DOCK2: variants seen among roughly 807,000 people sequenced by gnomAD.
The protein encoded by DOCK2 is dedicator of cytokinesis protein 2.
Under a neutral mutation model 248.9 loss-of-function variants are expected in DOCK2, and 87 were observed. The observed-to-expected ratio is 0.35, with a 90% confidence interval of 0.29 to 0.42. DOCK2 has a LOEUF of 0.42. Among genes scored for constraint, DOCK2 ranks in the 10% least tolerant of loss-of-function variants. DOCK2 has a pLI of 1.00. For synonymous variants in DOCK2, 805 were observed against 821.6 expected, an observed-to-expected ratio of 0.98 and a Z score of 0.35; for missense variants, 1,747 against 2,300.2, an observed-to-expected ratio of 0.76 and a Z score of 4.92.
chr5:169,679,408 T>C (rs1759527768), intron 6 of DOCK2, among the ~76,000 whole-genome samples: 1 of 152,180 alleles, frequency 6.6e-6, no homozygotes, highest in Non-Finnish European at 1.5e-5. Context: ...CAGCCTCTCC[T>C]GCCCCTGGGC....
At chr5:170,014,991 A>G (rs1755461061) in intron 32 of DOCK2, among the ~76,000 whole-genome samples, 1 of 152,192 alleles carries the variant, frequency 6.6e-6, no homozygotes, top group Non-Finnish European at 1.5e-5. Flanking sequence ...GGGAAGATAA[A>G]TCCATCTGAC....
intron 27 of DOCK2, among the ~76,000 whole-genome samples, chr5:169,967,561 C>T (rs1311722917): frequency 1.3e-5 from 2 of 151,988 alleles, no homozygotes; most frequent in Non-Finnish European, 2.9e-5. Context: ...TGCAGGGAAC[C>T]GAACACCATG....
intron 32 of DOCK2, among the ~76,000 whole-genome samples, chr5:170,016,396 A>G (rs1755540073): frequency 6.6e-6 from 1 of 152,208 alleles, no homozygotes; most frequent in African/African-American, 2.4e-5. Flanking sequence ...GCATCTATGT[A>G]TGTAAAGATA....
chr5:169,724,351 A>G (rs1026941918), intron 22 of DOCK2, among the ~76,000 whole-genome samples: 1 of 152,180 alleles, frequency 6.6e-6, no homozygotes, highest in Admixed American at 6.5e-5. Flanking sequence ...TAGTGAAGCT[A>G]TTCAGGCAAA....
intron 23 of DOCK2, among the ~76,000 whole-genome samples, chr5:169,751,518 A>C (rs1044946199): frequency 3.3e-5 from 5 of 152,202 alleles, no homozygotes; most frequent in Non-Finnish European, 5.9e-5. Context: ...AACTTTTCAC[A>C]TCCAGCTGGG....
At chr5:169,820,365 C>T (rs927106049) in intron 26 of DOCK2, among the ~76,000 whole-genome samples, 1 of 152,176 alleles carries the variant, frequency 6.6e-6, no homozygotes, top group Non-Finnish European at 1.5e-5. Flanking sequence ...CTGGGAGGCA[C>T]CCCCCAGTAG....
At chr5:169,814,191 C>G (rs1767923523) in intron 26 of DOCK2, among the ~76,000 whole-genome samples, 1 of 152,168 alleles carries the variant, frequency 6.6e-6, no homozygotes, top group Non-Finnish European at 1.5e-5. Flanking sequence ...TTATCCTAAC[C>G]AAATGAGCAA....
chr5:170,077,070 T>C (rs1226181528), intron 47 of DOCK2, among the ~76,000 whole-genome samples: 1 of 152,184 alleles, frequency 6.6e-6, no homozygotes. Context: ...ATGATACTTA[T>C]GATTTCAGTT....
At chr5:169,789,432 A>T (rs1004468492) in intron 25 of DOCK2, among the ~76,000 whole-genome samples, 1 of 152,220 alleles carries the variant, frequency 6.6e-6, no homozygotes, top group Non-Finnish European at 1.5e-5. Context: ...CATTGTACAT[A>T]TGTTTTCTTA....
intron 2 of DOCK2, among the ~76,000 whole-genome samples, chr5:169,663,727 G>A (rs1336632896): frequency 6.6e-6 from 1 of 152,202 alleles, no homozygotes; most frequent in African/African-American, 2.4e-5. Context: ...CATACAGGGT[G>A]CCAAGTCCTG....
At chr5:169,919,004 G>C (rs1405672464) in intron 27 of DOCK2, among the ~76,000 whole-genome samples, 1 of 152,160 alleles carries the variant, frequency 6.6e-6, no homozygotes. Context: ...CCAGTAACAA[G>C]GGTTATGTTG....
chr5:170,082,174 G>A (rs1462747307), intron 51 of DOCK2, among the ~76,000 whole-genome samples, 190 bp downstream of exon 51: 2 of 152,130 alleles, frequency 1.3e-5, no homozygotes, highest in Non-Finnish European at 2.9e-5. Flanking sequence ...TGGGGCCTCA[G>A]GCAGCTCCTC....
At chr5:170,057,495 G>A (rs1213717769) in intron 43 of DOCK2, 85 bp from the exon 44 acceptor site, 4 of 1,289,692 alleles carry the variant, frequency 3.1e-6, no homozygotes, top group Admixed American at 1.8e-5. Flanking sequence ...ACCTGGCTGG[G>A]TTTCTGCCAA....
In DOCK2 at chr5:169,840,752, T is replaced by TA. The variant is rs769914489; in HGVS notation, c.2704-4dup. ...GTCACATAGATGTCTCTGACTGTTT[T>TA]ACAGGCCTTCACCTACCACCATATC... On this transcript the variant is annotated splice_polypyrimidine_tract_variant and splice_region_variant and intron_variant, in intron 26 of 51. Transcript: ENST00000520908. The TA allele has an allele frequency of 6.2e-7, 1 of 1,613,756 alleles. No individual in the cohort carries two copies. Among genetic ancestry groups the TA allele is most frequent in the East Asian group, 2.2e-5 (1 of 44,820 alleles).
intron 10 of DOCK2, among the ~76,000 whole-genome samples, chr5:169,696,694 A>G (rs1760652180): frequency 6.6e-6 from 1 of 152,156 alleles, no homozygotes; most frequent in African/African-American, 2.4e-5. Context: ...TACCATAGCT[A>G]ACCTCAGTGT....
intron 23 of DOCK2, among the ~76,000 whole-genome samples, chr5:169,754,359 C>T (rs1020308724): frequency 1.3e-5 from 2 of 152,166 alleles, no homozygotes; most frequent in Admixed American, 1.3e-4. Context: ...GTTTGATTCT[C>T]TTCTTGAGGG....
chr5:169,922,521 C>T (rs1775229736), intron 27 of DOCK2, among the ~76,000 whole-genome samples: 1 of 152,168 alleles, frequency 6.6e-6, no homozygotes. Context: ...TAGATCTTGG[C>T]CATCACCTTT....
At chr5:169,846,727 G>A (rs1770340166) in intron 27 of DOCK2, among the ~76,000 whole-genome samples, 1 of 152,016 alleles carries the variant, frequency 6.6e-6, no homozygotes, top group African/African-American at 2.4e-5. Context: ...TACGTTTGGA[G>A]TACAAGTGGT....
chr5:170,037,907 T>G (rs910341009), intron 36 of DOCK2, among the ~76,000 whole-genome samples: 2 of 152,182 alleles, frequency 1.3e-5, no homozygotes, highest in African/African-American at 4.8e-5. Context: ...TCACATTCTG[T>G]CAGAGGGCAG....
Sources: gnomAD v4.1 joint callset for allele counts (sites outside exome capture counted in the v4.1 genomes callset) on GRCh38, gnomAD v4.1.1 for gene constraint, MANE v1.5 for transcripts, NCBI Gene and HGNC (gene_info 2026-07-23, HGNC 2026-07-21) for gene names.